ATE1: variants seen among roughly 807,000 people sequenced by gnomAD.
The protein encoded by ATE1 is arginyl-tRNA--protein transferase 1.
In ATE1, 36 loss-of-function variants were observed where a neutral mutation model predicts 70.5. The observed-to-expected ratio is 0.51, with a 90% confidence interval of 0.39 to 0.67. ATE1 has a LOEUF of 0.67. Ranked by LOEUF, ATE1 falls within the 30% of genes least tolerant of loss-of-function variation. The probability of loss-of-function intolerance (pLI) is 0.00; values close to 1 mark genes in which losing one functional copy is unlikely to be tolerated. For synonymous variants in ATE1, 232 were observed against 219.3 expected (o/e 1.06, Z -0.51); for missense variants, 593 against 629.5 (o/e 0.94, Z 0.62).
intron 8 of ATE1, among the ~76,000 whole-genome samples, chr10:121,849,379 T>C (rs1250012082): frequency 6.6e-6 from 1 of 152,194 alleles, no homozygotes; most frequent in East Asian, 1.9e-4. Flanking sequence ...ATGTTTCTCA[T>C]CCCTGGACCT....
chr10:121,851,159 A>G (rs1455725016), intron 8 of ATE1, among the ~76,000 whole-genome samples: 2 of 145,726 alleles, frequency 1.4e-5, no homozygotes, highest in African/African-American at 5.1e-5. Context: ...GGTGGCTCAC[A>G]GCTGTAATCT....
chr10:121,764,017 T>A (rs1031236083), intron 11 of ATE1, among the ~76,000 whole-genome samples: 6 of 151,822 alleles, frequency 4.0e-5, no homozygotes, highest in African/African-American at 1.5e-4. Context: ...CTTAAAAAAA[T>A]AAAATAAAAA....
chr10:121,805,086 C>G (rs1358520935), intron 10 of ATE1, among the ~76,000 whole-genome samples: 1 of 152,122 alleles, frequency 6.6e-6, no homozygotes, highest in Non-Finnish European at 1.5e-5. Flanking sequence ...TCTCTTTCCG[C>G]AATAACAGCA....
intron 7 of ATE1, among the ~76,000 whole-genome samples, chr10:121,895,630 A>G (rs1950751855): frequency 6.6e-6 from 1 of 151,622 alleles, no homozygotes; most frequent in Non-Finnish European, 1.5e-5. Context: ...AAAAAATTCC[A>G]TCAATGGATG....
At chr10:121,879,818 G>T (rs1950173444) in intron 7 of ATE1, among the ~76,000 whole-genome samples, 1 of 152,066 alleles carries the variant, frequency 6.6e-6, no homozygotes, top group South Asian at 2.1e-4. Flanking sequence ...GACCTTCTTG[G>T]GAACATCCAT....
At chr10:121,790,501 G>A (rs1028935045) in intron 10 of ATE1, among the ~76,000 whole-genome samples, 1 of 152,180 alleles carries the variant, frequency 6.6e-6, no homozygotes, top group South Asian at 2.1e-4. Context: ...TAAACACCAC[G>A]ACTTAGGATG....
At chr10:121,835,743 G>T (rs1948409038) in intron 10 of ATE1, among the ~76,000 whole-genome samples, 1 of 152,172 alleles carries the variant, frequency 6.6e-6, no homozygotes, top group South Asian at 2.1e-4. Flanking sequence ...AATATTGGCA[G>T]ATTAAGTGAT....
At chr10:121,747,779 GA>G (rs1944428666) in intron 11 of ATE1, among the ~76,000 whole-genome samples, 2 of 152,218 alleles carry the variant, frequency 1.3e-5, no homozygotes, top group Admixed American at 6.5e-5. Flanking sequence ...AACCAAAGGG[GA>G]AAGTCCACAT....
chr10:121,904,131 T>A (rs11200241), intron 5 of ATE1, among the ~76,000 whole-genome samples: 2 of 151,094 alleles, frequency 1.3e-5, no homozygotes, highest in South Asian at 4.2e-4. Flanking sequence ...TACAGGTGTG[T>A]GCCACCATGC....
chr10:121,862,532 A>ATTTTTTTTTTTTTTTTTTTTT, intron 8 of ATE1, among the ~76,000 whole-genome samples: 1 of 105,380 alleles, frequency 9.5e-6, no homozygotes, highest in Non-Finnish European at 1.8e-5. Flanking sequence ...AATTTTTTTA[A>ATTTTTTTTTTTTTTTTTTTTT]TTTTTTTTTT....
chr10:121,875,704 G>A (rs946180303), intron 7 of ATE1, among the ~76,000 whole-genome samples: 2 of 152,096 alleles, frequency 1.3e-5, no homozygotes, highest in Admixed American at 6.6e-5. Flanking sequence ...TCTAAAAAAC[G>A]ATTCCATGGC....
intron 8 of ATE1, among the ~76,000 whole-genome samples, chr10:121,841,716 T>C (rs911898680): frequency 4.6e-5 from 7 of 152,088 alleles, no homozygotes; most frequent in African/African-American, 1.7e-4. Flanking sequence ...AGCTAAGCTA[T>C]GAGGACACAA....
In ATE1 at chr10:121,927,896, C is replaced by G. The variant is rs753497748; in HGVS notation, c.54G>C (p.Glu18Asp). Residue 18 changes from glutamate to aspartate, a missense_variant, in exon 1 of 12, where the codon GAG becomes GAC. Physicochemically the swap from Glu to Asp is conservative, Grantham distance 45 (BLOSUM62 2). This residue lies in a region of ATE1 where 467 missense variants were observed against 469.6 expected (regional missense o/e 0.99). Transcript: ENST00000224652. Reference protein sequence around the residue: ...SPSVVDYFPSEDFYRCGYCKN... With the variant: ...SPSVVDYFPSDDFYRCGYCKN... ...TGCAGTAGCCGCAGCGGTAGAAGTC[C>G]TCGCTAGGGAAATAGTCCACGACGC... The G allele has an allele frequency of 3.8e-6, 6 of 1,593,182 alleles. No homozygotes were observed. In the East Asian group the frequency reaches 1.4e-4, roughly 37 times the overall value.
intron 5 of ATE1, among the ~76,000 whole-genome samples, chr10:121,905,112 A>C (rs574056388): frequency 6.6e-6 from 1 of 152,282 alleles, no homozygotes; most frequent in East Asian, 1.9e-4. Flanking sequence ...TGGCTAGCTG[A>C]CCTTGGGCAC....
intron 7 of ATE1, among the ~76,000 whole-genome samples, chr10:121,894,088 G>T (rs1413675380): frequency 6.3e-5 from 9 of 141,792 alleles, no homozygotes; most frequent in Admixed American, 5.4e-4. Context: ...AGTGAGCCAA[G>T]ATTGCGCCAT....
chr10:121,774,272 T>C (rs924366917), intron 11 of ATE1, among the ~76,000 whole-genome samples: 1 of 152,190 alleles, frequency 6.6e-6, no homozygotes, highest in Non-Finnish European at 1.5e-5. Flanking sequence ...TTTTAAATGA[T>C]TATGCAAATT....
At chr10:121,757,851 ACCTT>A (rs1255703354) in intron 11 of ATE1, among the ~76,000 whole-genome samples, 1 of 152,198 alleles carries the variant, frequency 6.6e-6, no homozygotes, top group Non-Finnish European at 1.5e-5. Context: ...TGTGTTCTTC[ACCTT>A]CCCATCATAT....
intron 10 of ATE1, among the ~76,000 whole-genome samples, chr10:121,801,492 G>GT (rs1330800556): frequency 2.6e-5 from 4 of 152,002 alleles, no homozygotes; most frequent in Admixed American, 6.6e-5. Flanking sequence ...CTGAAGGGTC[G>GT]TAAGTTGAAA....
intron 10 of ATE1, among the ~76,000 whole-genome samples, chr10:121,812,203 G>A (rs543551204): frequency 1.7e-3 from 257 of 151,992 alleles, no homozygotes; most frequent in East Asian, 9.7e-4. Flanking sequence ...CGATCCACCT[G>A]CTTTGGCCTC....
Sources: gnomAD v4.1 joint callset for allele counts (sites outside exome capture counted in the v4.1 genomes callset) on GRCh38, gnomAD v4.1.1 for gene constraint, gnomAD v4.1.1 regional missense constraint, MANE v1.5 for transcripts, NCBI Gene and HGNC (gene_info 2026-07-23, HGNC 2026-07-21) for gene names.